Variants in VPS8 observed in about 807,000 individuals in gnomAD.
VPS8 encodes the protein VPS8 subunit of CORVET complex, also known as vacuolar protein sorting-associated protein 8 homolog.
In VPS8, 129 loss-of-function variants were observed where a neutral mutation model predicts 216.4. The observed-to-expected ratio is 0.60, with a 90% CI of 0.52 to 0.69. The LOEUF is 0.69. Among genes scored for constraint, VPS8 ranks in the 30% least tolerant of loss-of-function variants. VPS8 has a pLI of 0.00. For synonymous variants in VPS8, 571 were observed against 565.4 expected (o/e 1.01, Z -0.14); for missense variants, 1,531 against 1,683.5 (o/e 0.91, Z 1.59).
At chr3:184,849,832 A>G (rs1471225035) in intron 9 of VPS8, 104 bp from the exon 10 acceptor site, 2 of 833,140 alleles carry the variant, frequency 2.4e-6, no homozygotes, top group East Asian at 2.5e-5. Context: ...CTTTGCCTGC[A>G]ATGTTTATAG....
intron 3 of VPS8, 142 bp from the exon 4 acceptor site, chr3:184,832,546 CT>C (rs1720221598): frequency 1.4e-6 from 1 of 702,638 alleles, no homozygotes; most frequent in Non-Finnish European, 2.3e-6. Flanking sequence ...TGTATGGTTT[CT>C]TTCTGGTCAA....
intron 30 of VPS8, among the ~76,000 whole-genome samples, chr3:184,926,121 A>G (rs1210034935): frequency 6.8e-6 from 1 of 147,614 alleles, no homozygotes; most frequent in Non-Finnish European, 1.5e-5. Flanking sequence ...CACGCCTGTA[A>G]TCCCAACACT....
chr3:184,893,332 A>G, intron 22 of VPS8: 2 of 1,270,724 alleles, frequency 1.6e-6, no homozygotes, highest in Non-Finnish European at 2.0e-6. Flanking sequence ...GAATAAATAA[A>G]CCATTTACCA....
intron 42 of VPS8, 27 bp from the exon 43 acceptor site, chr3:184,993,956 A>T (rs1310404320): frequency 9.4e-6 from 14 of 1,494,438 alleles, no homozygotes; most frequent in Non-Finnish European, 1.3e-5. Flanking sequence ...ACAGAATTGT[A>T]ACAGAATTGT....
intron 3 of VPS8, among the ~76,000 whole-genome samples, chr3:184,827,386 A>G (rs1257439796): frequency 6.6e-6 from 1 of 152,200 alleles, no homozygotes; most frequent in Admixed American, 6.5e-5. Flanking sequence ...GTGAAGACTT[A>G]AGCATTTTTA....
intron 46 of VPS8, among the ~76,000 whole-genome samples, chr3:185,041,456 A>G (rs768515855): frequency 2.2e-4 from 33 of 152,200 alleles, no homozygotes; most frequent in South Asian, 1.2e-3. Flanking sequence ...TATGCCCTCT[A>G]TGGAAGGGAA....
At chr3:184,820,552 T>A (rs1717355254) in intron 1 of VPS8, among the ~76,000 whole-genome samples, 1 of 152,210 alleles carries the variant, frequency 6.6e-6, no homozygotes, top group African/African-American at 2.4e-5. Context: ...CATTGTTGGA[T>A]ACCCTCATAC....
At chr3:185,002,788 T>C (rs1433040836) in intron 45 of VPS8, among the ~76,000 whole-genome samples, 1 of 152,244 alleles carries the variant, frequency 6.6e-6, no homozygotes, top group African/African-American at 2.4e-5. Flanking sequence ...ATTTTGTTTC[T>C]TTTTATGGCT....
At chr3:184,955,307 G>A (rs1050523536) in intron 36 of VPS8, among the ~76,000 whole-genome samples, 1 of 152,160 alleles carries the variant, frequency 6.6e-6, no homozygotes, top group African/African-American at 2.4e-5. Flanking sequence ...GTAGTAGATA[G>A]CAGTAGAAGA....
intron 40 of VPS8, among the ~76,000 whole-genome samples, chr3:184,975,779 A>G (rs536703795): frequency 1.3e-5 from 2 of 152,126 alleles, no homozygotes; most frequent in South Asian, 2.1e-4. Context: ...AATTTTGTCA[A>G]ATGCTTTTTC....
intron 37 of VPS8, among the ~76,000 whole-genome samples, chr3:184,963,880 T>G (rs1030277751): frequency 6.6e-6 from 1 of 152,020 alleles, no homozygotes; most frequent in African/African-American, 2.4e-5. Context: ...GACTATCATG[T>G]TTTTTTCCTT....
intron 45 of VPS8, among the ~76,000 whole-genome samples, chr3:185,013,203 G>C (rs1364981089): frequency 6.6e-6 from 1 of 152,232 alleles, no homozygotes; most frequent in Non-Finnish European, 1.5e-5. Flanking sequence ...TGGCCATCAT[G>C]AGCATGTCAC....
chr3:184,993,232 C>T (rs1463762807), intron 42 of VPS8, among the ~76,000 whole-genome samples: 2 of 152,132 alleles, frequency 1.3e-5, no homozygotes, highest in African/African-American at 4.8e-5. Flanking sequence ...CCCTCTTTCT[C>T]TTCCTCTTCT....
chr3:185,049,966 C>G (rs1384653609), intron 47 of VPS8, among the ~76,000 whole-genome samples: 5 of 152,116 alleles, frequency 3.3e-5, no homozygotes, highest in African/African-American at 1.2e-4. Flanking sequence ...CATCCCTTTC[C>G]AGCCTCAGCT....
intron 46 of VPS8, among the ~76,000 whole-genome samples, chr3:185,038,019 A>G (rs908156124): frequency 1.1e-4 from 16 of 152,148 alleles, no homozygotes; most frequent in South Asian, 1.0e-3. Context: ...ATACTTTCCT[A>G]TTTCTTTGCA....
chr3:184,852,452 C>G (rs773367236), intron 10 of VPS8, 48 bp from the exon 11 acceptor site: 2 of 1,564,704 alleles, frequency 1.3e-6, no homozygotes, highest in Non-Finnish European at 1.7e-6. Flanking sequence ...CTCCTTAATA[C>G]TTGACTGTTT....
In VPS8 at chr3:185,014,199, C is replaced by G. The variant is rs140072033; in HGVS notation, c.4003-10137C>G. Among the ~76,000 whole-genome samples, 9 of 152,310 alleles carry G rather than the reference C, an allele frequency of 5.9e-5. No individual in the cohort carries two copies. In the East Asian group the frequency reaches 1.7e-3, roughly 29 times the overall value. On this transcript the variant is annotated intron_variant, in intron 45 of 47. Coordinates refer to ENST00000625842, the MANE Select transcript of VPS8 (RefSeq NM_001009921.3). ...TGGTAATCACCACTATCATAGCTACCATTAAGTTACTCATTGTGACTGGTT... is the reference window on the plus strand; with the variant it reads ...TGGTAATCACCACTATCATAGCTACGATTAAGTTACTCATTGTGACTGGTT...
intron 39 of VPS8, among the ~76,000 whole-genome samples, chr3:184,968,379 A>T (rs895395754): frequency 6.6e-6 from 1 of 152,100 alleles, no homozygotes; most frequent in Non-Finnish European, 1.5e-5. Context: ...CTGGCTCTCA[A>T]TTCTTTTGGG....
rs1253344158 is a variant in VPS8 at position 184,869,014 on chromosome 3, A to T, written c.1575A>T (p.Glu525Asp). The T allele has an allele frequency of 6.2e-7, 1 of 1,608,670 alleles. No homozygotes were observed. Among genetic ancestry groups the T allele is most frequent in the Non-Finnish European group, 8.5e-7 (1 of 1,177,592 alleles). ...EALALAWSFH[E>D]GKAKAVVGLS... ...TGGCTCTTGCGTGGTCTTTCCATGA[A>T]GGAAAAGCAAAAGCAGTAGTGGGTG... The change falls in exon 19 of 48, where the codon GAA becomes GAT. Residue 525 changes from glutamate (E) to aspartate (D), a missense_variant. Coordinates refer to ENST00000625842, the MANE Select transcript of VPS8 (RefSeq NM_001009921.3).
Sources: allele counts gnomAD v4.1 joint callset (sites outside exome capture counted in the v4.1 genomes callset), GRCh38; gene constraint gnomAD v4.1.1; transcripts MANE v1.5; gene names NCBI Gene and HGNC (gene_info 2026-07-23, HGNC 2026-07-21).